SHISA6: variants seen among roughly 807,000 people sequenced by gnomAD.
SHISA6 encodes protein shisa-6.
In SHISA6, 22 loss-of-function variants were observed where a neutral mutation model predicts 47.9. The observed-to-expected ratio is 0.46, with a 90% CI of 0.33 to 0.66. SHISA6 has a LOEUF of 0.66. Among genes scored for constraint, SHISA6 ranks in the 30% least tolerant of loss-of-function variants. SHISA6 has a pLI of 0.02. For missense variants in SHISA6, 680 were observed against 764.6 expected (o/e 0.89, Z 1.30); for synonymous variants, 388 against 337.8 (o/e 1.15, Z -1.63).
At chr17:11,383,583 G>T (rs1913099251) in intron 3 of SHISA6, among the ~76,000 whole-genome samples, 1 of 152,006 alleles carries the variant, frequency 6.6e-6, no homozygotes, top group Admixed American at 6.6e-5. Context: ...CAACCCCCCA[G>T]GTTACATAGC....
At chr17:11,504,745 A>G (rs865984302) in intron 3 of SHISA6, among the ~76,000 whole-genome samples, 8 of 149,724 alleles carry the variant, frequency 5.3e-5, no homozygotes, top group Middle Eastern at 3.4e-3. Context: ...GGGGAAGGAC[A>G]CACACTCCCT....
At chr17:11,258,905 G>A (rs999086563) in intron 1 of SHISA6, among the ~76,000 whole-genome samples, 9 of 152,168 alleles carry the variant, frequency 5.9e-5, no homozygotes, top group Admixed American at 5.9e-4. Context: ...GGACATAGTA[G>A]GTGAAGAAGA....
intron 2 of SHISA6, among the ~76,000 whole-genome samples, chr17:11,356,110 G>A (rs1481570162): frequency 6.6e-6 from 1 of 152,204 alleles, no homozygotes; most frequent in Non-Finnish European, 1.5e-5. Context: ...ATGTAGAGAA[G>A]TTTCTGTACA....
rs115558721 is a variant in SHISA6, at chr17:11,313,332, A to G, written c.799+49806A>G. ...TTTAAATACCACTTATATGTCTTCT[A>G]TGAATAGCTTATTCATATTATTTTC... On this transcript the variant is annotated intron_variant, in intron 2 of 5. Transcript: ENST00000441885. 4.7e-3 allele frequency among the ~76,000 whole-genome samples: 712 copies of G among 152,294 alleles called. 7 individuals are homozygous for G. Among genetic ancestry groups the G allele is most frequent in the African/African-American group, 0.016 (658 of 41,564 alleles).
intron 3 of SHISA6, among the ~76,000 whole-genome samples, chr17:11,540,942 TTTG>T (rs1488075087): frequency 6.6e-6 from 1 of 152,160 alleles, no homozygotes; most frequent in Non-Finnish European, 1.5e-5. Context: ...ACAGAGAGAC[TTTG>T]TAAATAGCAT....
In SHISA6 at chr17:11,317,160, A is replaced by G. The variant is rs1483545829; in HGVS notation, c.799+53634A>G. On this transcript the variant is annotated intron_variant, in intron 2 of 5. Transcript: ENST00000441885. ...GTATAATTTATATATCTTATTTACT[A>G]TTTGGCTCTATATTTTAAAAACCTT... Among the ~76,000 whole-genome samples, 6 of 151,986 alleles carry G rather than the reference A, an allele frequency of 3.9e-5. No homozygotes were observed. The East Asian group carries it at 1.2e-3, about 29-fold the overall frequency.
intron 3 of SHISA6, among the ~76,000 whole-genome samples, chr17:11,391,489 G>A (rs751340984): frequency 1.7e-4 from 26 of 152,084 alleles, no homozygotes; most frequent in Non-Finnish European, 3.1e-4. Flanking sequence ...AAAGCAGCAC[G>A]CAAAAAGCAG....
intron 3 of SHISA6, among the ~76,000 whole-genome samples, chr17:11,385,992 G>A (rs1342905793): frequency 1.3e-5 from 2 of 152,036 alleles, no homozygotes; most frequent in Non-Finnish European, 2.9e-5. Context: ...GGTGGGAGGG[G>A]GGAACATCTA....
At chr17:11,381,268 A>G (rs112970513) in intron 3 of SHISA6, among the ~76,000 whole-genome samples, 2,761 of 152,178 alleles carry the variant, frequency 0.018, 72 homozygotes, top group African/African-American at 0.052. Flanking sequence ...ACTTCAACCA[A>G]CAGAACTCTT....
chr17:11,509,566 G>A (rs1232387993), intron 3 of SHISA6, among the ~76,000 whole-genome samples: 5 of 152,138 alleles, frequency 3.3e-5, no homozygotes, highest in Non-Finnish European at 7.3e-5. Context: ...ATATACTTTG[G>A]CAGCTGCAGC....
At chr17:11,329,922 C>T (rs1911037778) in intron 2 of SHISA6, among the ~76,000 whole-genome samples, 1 of 151,400 alleles carries the variant, frequency 6.6e-6, no homozygotes, top group East Asian at 2.0e-4. Flanking sequence ...CTCCCTCCCT[C>T]TCCCTCCTGT....
intron 3 of SHISA6, among the ~76,000 whole-genome samples, chr17:11,383,871 A>C (rs1913112330): frequency 6.6e-6 from 1 of 152,178 alleles, no homozygotes; most frequent in South Asian, 2.1e-4. Context: ...TTCGTTAATT[A>C]GACAAGATCA....
intron 1 of SHISA6, among the ~76,000 whole-genome samples, chr17:11,245,096 G>A (rs892642477): frequency 2.6e-5 from 4 of 152,306 alleles, no homozygotes; most frequent in Admixed American, 2.0e-4. Flanking sequence ...CCTTGCTATC[G>A]TGTTTCTGAG....
chr17:11,397,395 CTGTGTGTG>C (rs3034221), intron 3 of SHISA6, among the ~76,000 whole-genome samples: 10 of 140,522 alleles, frequency 7.1e-5, no homozygotes, highest in South Asian at 2.4e-4. Context: ...TTACCTGCCT[CTGTGTGTG>C]TGTGTGTGTG....
chr17:11,499,821 C>A (rs908396611), intron 3 of SHISA6, among the ~76,000 whole-genome samples: 2 of 151,942 alleles, frequency 1.3e-5, no homozygotes, highest in African/African-American at 4.8e-5. Flanking sequence ...CCTGCCTCAG[C>A]CTTCTGAGTG....
At chr17:11,342,820 T>C (rs1272042434) in intron 2 of SHISA6, among the ~76,000 whole-genome samples, 1 of 152,204 alleles carries the variant, frequency 6.6e-6, no homozygotes, top group African/African-American at 2.4e-5. Flanking sequence ...GACAGTCCTG[T>C]TGTGATGTTG....
intron 3 of SHISA6, among the ~76,000 whole-genome samples, chr17:11,546,992 T>C (rs1043593178): frequency 6.6e-6 from 1 of 152,056 alleles, no homozygotes; most frequent in African/African-American, 2.4e-5. Context: ...GTACATGCGA[T>C]AAACAAGACA....
rs188591323 is a variant in SHISA6 at position 11,379,024 on chromosome 17, C to T, written c.800-390C>T. 2.7e-3 allele frequency among the ~76,000 whole-genome samples: 409 copies of T among 151,784 alleles called. 1 individual carries two copies. The highest frequency in any genetic ancestry group is 8.8e-3 in the African/African-American group (364 of 41,410). On this transcript the variant is annotated intron_variant, in intron 2 of 5. Coordinates refer to ENST00000441885, the MANE Select transcript of SHISA6 (RefSeq NM_207386.4). ...AATGCCAAAATCAAGCCGTGTATCT[C>T]GTTTGTTCTCCTATACTTTCAATGT...
chr17:11,549,216 A>G (rs1015368986), intron 3 of SHISA6, among the ~76,000 whole-genome samples: 8 of 152,224 alleles, frequency 5.3e-5, no homozygotes, highest in African/African-American at 1.9e-4. Flanking sequence ...AATCATCCAC[A>G]GGCGGAAGGT....
Sources: allele counts gnomAD v4.1 joint callset (sites outside exome capture counted in the v4.1 genomes callset), GRCh38; gene constraint gnomAD v4.1.1; transcripts MANE v1.5; gene names NCBI Gene and HGNC (gene_info 2026-07-23, HGNC 2026-07-21).